The following ARL8B variants were observed in gnomAD, a reference collection of about 807,000 sequenced individuals.
ARL8B encodes ARF like GTPase 8B, also known as ADP-ribosylation factor-like protein 8B.
ARL8B carries 9 observed loss-of-function variants against 30.6 expected under a neutral mutation model. The observed-to-expected ratio is 0.29, with a 90% confidence interval of 0.18 to 0.51. The LOEUF is 0.51. Among genes scored for constraint, ARL8B ranks in the 20% least tolerant of loss-of-function variants. The probability of loss-of-function intolerance (pLI) is 0.97; values close to 1 mark genes in which losing one functional copy is unlikely to be tolerated. For synonymous variants in ARL8B, 74 were observed against 76.0 expected, an observed-to-expected ratio of 0.97 and a Z score of 0.14; for missense variants, 130 against 227.2, an observed-to-expected ratio of 0.57 and a Z score of 2.75.
Position 5,174,091 on chromosome 3 carries a change from C to T in ARL8B, c.440+7C>T, listed in dbSNP as rs1181196442. On this transcript the variant is annotated splice_region_variant and intron_variant, in intron 5 of 6. Coordinates refer to ENST00000256496, the MANE Select transcript of ARL8B (RefSeq NM_018184.3). Reference sequence around the variant, plus strand: ...AACAGCTAATTGAAAAAATGTATGTCTTGAATATGCTATTTTAATAATTTG... The same window carrying T: ...AACAGCTAATTGAAAAAATGTATGTTTTGAATATGCTATTTTAATAATTTG... The T allele has an allele frequency of 1.3e-6, 2 of 1,592,826 alleles. No homozygotes were observed. The highest frequency in any genetic ancestry group is 1.7e-6 in the Non-Finnish European group (2 of 1,162,868).
chr3:5,142,528 G>A (rs1005682381), intron 1 of ARL8B, among the ~76,000 whole-genome samples: 16 of 152,118 alleles, frequency 1.1e-4, no homozygotes, highest in African/African-American at 3.9e-4. Context: ...AGGTCCTCCC[G>A]TAGCACACGC....
chr3:5,170,718 T>A (rs2054665202), intron 2 of ARL8B, 135 bp downstream of exon 2: 4 of 614,974 alleles, frequency 6.5e-6, no homozygotes, highest in Non-Finnish European at 1.1e-5. Flanking sequence ...AAGAATAGGT[T>A]TTTTTGTTGT....
At chr3:5,174,708 AATAT>A in intron 6 of ARL8B, among the ~76,000 whole-genome samples, 1 of 144,526 alleles carries the variant, frequency 6.9e-6, no homozygotes, top group Admixed American at 7.1e-5. Flanking sequence ...ATATATATGT[AATAT>A]GTATTATATA....
intron 1 of ARL8B, among the ~76,000 whole-genome samples, chr3:5,144,629 G>A (rs1403132635): frequency 2.0e-5 from 3 of 152,096 alleles, no homozygotes; most frequent in Admixed American, 1.3e-4. Flanking sequence ...CTCCTTTCTG[G>A]TAAACTGGGG....
chr3:5,151,185 C>T (rs907999409), intron 1 of ARL8B, among the ~76,000 whole-genome samples: 1 of 151,982 alleles, frequency 6.6e-6, no homozygotes, highest in Admixed American at 6.6e-5. Context: ...ACTGCTCTTA[C>T]CATTGCCCTC....
At chr3:5,139,714 T>C (rs566101865) in intron 1 of ARL8B, among the ~76,000 whole-genome samples, 55 of 152,332 alleles carry the variant, frequency 3.6e-4, no homozygotes, top group African/African-American at 1.3e-3. Flanking sequence ...AGAGTGCTTG[T>C]CATCAGCTGT....
In ARL8B at chr3:5,122,450, G is replaced by C. The variant is rs7626677; in HGVS notation, c.-16G>C. The C allele has an allele frequency of 9.4e-3, 15,162 of 1,612,032 alleles. 793 individuals are homozygous for C. The African/African-American group carries it at 0.13, about 14-fold the overall frequency. On this transcript the variant is annotated 5_prime_UTR_variant, in exon 1 of 7. Transcript: ENST00000256496. The stretch of plus-strand genomic sequence containing the variant: ...CTCGTCCGTCCTCCCGTCCGTTCTC[G>C]CTCCCGGCCGCCATCATGCTGGCGC...
chr3:5,130,192 A>T (rs1007205989), intron 1 of ARL8B, among the ~76,000 whole-genome samples: 1 of 100,608 alleles, frequency 9.9e-6, no homozygotes, highest in Non-Finnish European at 2.1e-5. Context: ...AAAAAAATAT[A>T]TATTTTTTTT....
intron 1 of ARL8B, among the ~76,000 whole-genome samples, chr3:5,158,686 A>AC (rs2054552800): frequency 6.6e-6 from 1 of 152,190 alleles, no homozygotes; most frequent in Admixed American, 6.5e-5. Context: ...GAAAAAATGA[A>AC]CAGGGTCTCT....
chr3:5,131,378 A>G (rs2054281836), intron 1 of ARL8B, among the ~76,000 whole-genome samples: 1 of 144,722 alleles, frequency 6.9e-6, no homozygotes, highest in African/African-American at 2.7e-5. Context: ...TCTTATTTCA[A>G]TAAAAAAATT....
chr3:5,138,011 TTTG>T lies in ARL8B; in HGVS notation c.123+15436_123+15438del, dbSNP rs202226312. On this transcript the variant is annotated intron_variant, in intron 1 of 6. Transcript: ENST00000256496. ...GAGAGAGAAACTAAAATGAGAGGTTTTTGTTGTTGTTGTTGGGGATTTTTTTTT... is the reference window on the plus strand; with the variant it reads ...GAGAGAGAAACTAAAATGAGAGGTTTTTGTTGTTGTTGGGGATTTTTTTTT... 5.3e-4 allele frequency among the ~76,000 whole-genome samples: 81 copies of T among 152,124 alleles called. No individual in the cohort carries two copies. In the East Asian group the frequency reaches 9.1e-3, roughly 17 times the overall value.
chr3:5,160,020 C>T (rs186327814), intron 1 of ARL8B, among the ~76,000 whole-genome samples: 5 of 152,302 alleles, frequency 3.3e-5, no homozygotes, highest in Non-Finnish European at 4.4e-5. Flanking sequence ...ATAACCTCAA[C>T]ACTCATGCTC....
intron 1 of ARL8B, among the ~76,000 whole-genome samples, chr3:5,146,170 C>G (rs1172493765): frequency 6.6e-6 from 1 of 152,190 alleles, no homozygotes; most frequent in African/African-American, 2.4e-5. Context: ...AGGATTTTCC[C>G]ATTCAAAGGC....
intron 2 of ARL8B, 90 bp from the exon 3 acceptor site, chr3:5,172,060 C>A: frequency 1.6e-6 from 2 of 1,251,304 alleles, no homozygotes; most frequent in Non-Finnish European, 2.3e-6. Flanking sequence ...ATAAATATAT[C>A]TTCCCGATCT....
chr3:5,163,841 T>G, intron 1 of ARL8B, among the ~76,000 whole-genome samples: 1 of 152,134 alleles, frequency 6.6e-6, no homozygotes, highest in Non-Finnish European at 1.5e-5. Flanking sequence ...TTGCACTTCA[T>G]CCTGGGCGAC....
At chr3:5,156,052 A>G (rs556209488) in intron 1 of ARL8B, among the ~76,000 whole-genome samples, 1 of 151,950 alleles carries the variant, frequency 6.6e-6, no homozygotes, top group African/African-American at 2.4e-5. Flanking sequence ...ACAGGTGCGC[A>G]CCACCATGCC....
intron 1 of ARL8B, among the ~76,000 whole-genome samples, chr3:5,150,296 C>G (rs886423228): frequency 6.6e-6 from 1 of 151,868 alleles, no homozygotes; most frequent in African/African-American, 2.4e-5. Context: ...AACCCCATCT[C>G]TACTAAAAAT....
chr3:5,170,658 GT>G, intron 2 of ARL8B, 75 bp downstream of exon 2: 1 of 1,134,524 alleles, frequency 8.8e-7, no homozygotes, highest in African/African-American at 1.6e-5. Flanking sequence ...AAATTTCTGT[GT>G]TTTTACTGAA....
At chr3:5,164,132 T>C (rs2054604703) in intron 1 of ARL8B, among the ~76,000 whole-genome samples, 2 of 152,204 alleles carry the variant, frequency 1.3e-5, no homozygotes, top group East Asian at 1.9e-4. Context: ...CCATGAATAC[T>C]GTATTTTTGA....
Sources: allele counts gnomAD v4.1 joint callset (sites outside exome capture counted in the v4.1 genomes callset), GRCh38; gene constraint gnomAD v4.1.1; transcripts MANE v1.5; gene names NCBI Gene and HGNC (gene_info 2026-07-23, HGNC 2026-07-21).